Variants in MYO6 observed in about 807,000 individuals in gnomAD.
MYO6 encodes the protein myosin VI, also known as unconventional myosin-VI.
In MYO6, 74 loss-of-function variants were observed where a neutral mutation model predicts 178.7. The ratio of observed to expected loss-of-function variants is 0.41; its 90% CI spans 0.34 to 0.50. The LOEUF (loss-of-function observed/expected upper bound fraction) is 0.50. Ranked by LOEUF, MYO6 falls within the 20% of genes least tolerant of loss-of-function variation. The pLI, the probability that MYO6 is intolerant of heterozygous loss-of-function variation, is 0.09. For synonymous variants in MYO6, 477 were observed against 504.6 expected (o/e 0.95, Z 0.73); for missense variants, 1,330 against 1,547.4 (o/e 0.86, Z 2.36).
chr6:75,863,396 A>AT (rs962237886), intron 16 of MYO6, among the ~76,000 whole-genome samples: 2 of 152,128 alleles, frequency 1.3e-5, no homozygotes, highest in African/African-American at 4.8e-5. Flanking sequence ...CAATAGAGAG[A>AT]TTAGGTAGAG....
intron 16 of MYO6, among the ~76,000 whole-genome samples, chr6:75,864,534 G>A (rs767331998): frequency 1.3e-5 from 2 of 152,064 alleles, no homozygotes; most frequent in African/African-American, 2.4e-5. Context: ...TTAATAGCTC[G>A]CTGGTCTTTG....
intron 30 of MYO6, among the ~76,000 whole-genome samples, chr6:75,902,994 A>T (rs1050944937): frequency 2.6e-5 from 4 of 151,854 alleles, no homozygotes; most frequent in African/African-American, 9.7e-5. Flanking sequence ...CCCAGTAGTC[A>T]TTCAGGAGCA....
At chr6:75,851,321 G>T (rs897871456) in intron 11 of MYO6, among the ~76,000 whole-genome samples, 8 of 152,274 alleles carry the variant, frequency 5.3e-5, no homozygotes, top group Middle Eastern at 3.4e-3. Flanking sequence ...GGGAAGATTG[G>T]AAAGAGACAG....
Position 75,914,195 on chromosome 6 carries a change from G to T in MYO6, c.3572G>T (p.Gly1191Val). ...QYKDPQSKKK[G>V]WWYAHFDGPW... ...AAAGACCCTCAGAGTAAGAAAAAAGGCTGGTGGTATGCCCATTTTGATGGA... is the reference window on the plus strand; with the variant it reads ...AAAGACCCTCAGAGTAAGAAAAAAGTCTGGTGGTATGCCCATTTTGATGGA... Residue 1191 changes from glycine to valine, a missense_variant, in exon 34 of 35, where the codon GGC becomes GTC. Coordinates refer to ENST00000369977, the MANE Select transcript of MYO6 (RefSeq NM_004999.4). 6.2e-7 allele frequency: 1 copy of T among 1,614,180 alleles called. No homozygotes were observed. The highest frequency in any genetic ancestry group is 8.5e-7 in the Non-Finnish European group (1 of 1,180,018).
intron 1 of MYO6, among the ~76,000 whole-genome samples, chr6:75,774,301 A>AT (rs1161860401): frequency 2.6e-5 from 4 of 152,192 alleles, no homozygotes; most frequent in African/African-American, 9.6e-5. Context: ...GATAGTTAAC[A>AT]TTTTTGTACC....
chr6:75,886,343 GAAGT>G (rs779148113), intron 24 of MYO6, among the ~76,000 whole-genome samples: 10 of 152,264 alleles, frequency 6.6e-5, no homozygotes, highest in Admixed American at 3.9e-4. Flanking sequence ...TATAAAACAA[GAAGT>G]AAGTAGTTGA....
chr6:75,817,434 A>G, intron 1 of MYO6, 67 bp from the exon 2 acceptor site: 1 of 882,440 alleles, frequency 1.1e-6, no homozygotes, highest in African/African-American at 1.7e-5. Context: ...TTTGAAAAAG[A>G]TACATTATTT....
intron 7 of MYO6, among the ~76,000 whole-genome samples, chr6:75,838,862 A>G (rs1773920413): frequency 6.6e-6 from 1 of 151,730 alleles, no homozygotes; most frequent in African/African-American, 2.4e-5. Flanking sequence ...GGGTTTCACC[A>G]TGTTGGTCAG....
intron 14 of MYO6, among the ~76,000 whole-genome samples, chr6:75,859,770 C>T (rs1241796961): frequency 6.6e-6 from 1 of 151,936 alleles, no homozygotes; most frequent in African/African-American, 2.4e-5. Context: ...AGCGATTCTC[C>T]TGCCTCAGCC....
chr6:75,851,200 T>C (rs1406750629), intron 11 of MYO6, among the ~76,000 whole-genome samples: 1 of 152,230 alleles, frequency 6.6e-6, no homozygotes, highest in African/African-American at 2.4e-5. Flanking sequence ...AAGTGTTGCA[T>C]GATCAAGTTA....
At chr6:75,881,912 C>T (rs1778061600) in intron 23 of MYO6, 94 bp downstream of exon 23, 1 of 1,460,220 alleles carries the variant, frequency 6.8e-7, no homozygotes, top group African/African-American at 1.4e-5. Context: ...TGCTGAGCAA[C>T]AGAGACTGAG....
Position 75,818,290 on chromosome 6 carries a change from G to C in MYO6, c.117+626G>C, listed in dbSNP as rs1198211281. 2.6e-5 allele frequency among the ~76,000 whole-genome samples: 4 copies of C among 152,156 alleles called. No homozygotes were observed. The East Asian group carries it at 7.7e-4, about 29-fold the overall frequency. On this transcript the variant is annotated intron_variant, in intron 2 of 34. Coordinates refer to ENST00000369977, the MANE Select transcript of MYO6 (RefSeq NM_004999.4). ...GAGTTGTGACTCGTTTACAGAGAAGGCATCATTGTAAATACCTGTTTCAGT... is the reference window on the plus strand; with the variant it reads ...GAGTTGTGACTCGTTTACAGAGAAGCCATCATTGTAAATACCTGTTTCAGT...
chr6:75,846,107 T>C (rs923214618), intron 10 of MYO6, among the ~76,000 whole-genome samples: 1 of 151,876 alleles, frequency 6.6e-6, no homozygotes, highest in Non-Finnish European at 1.5e-5. Context: ...TAATTAGATA[T>C]AATTATACCA....
chr6:75,907,783 T>C (rs984911653), intron 31 of MYO6, 75 bp downstream of exon 31: 7 of 1,046,646 alleles, frequency 6.7e-6, no homozygotes, highest in Non-Finnish European at 1.0e-5. Context: ...TAGGGTGAGG[T>C]GTGTGTGTGT....
At chr6:75,770,393 G>A (rs1240126671) in intron 1 of MYO6, among the ~76,000 whole-genome samples, 1 of 152,210 alleles carries the variant, frequency 6.6e-6, no homozygotes, top group Non-Finnish European at 1.5e-5. Flanking sequence ...AAAACAGCCA[G>A]AAGTAATGTT....
At chr6:75,863,966 C>T (rs181733634) in intron 16 of MYO6, among the ~76,000 whole-genome samples, 73 of 152,210 alleles carry the variant, frequency 4.8e-4, no homozygotes, top group African/African-American at 1.7e-3. Context: ...CATCCTTGTA[C>T]CCAGAAAGAG....
chr6:75,814,478 C>G (rs143285134), intron 1 of MYO6, among the ~76,000 whole-genome samples: 3 of 152,194 alleles, frequency 2.0e-5, no homozygotes, highest in East Asian at 1.9e-4. Flanking sequence ...ATTGCTGGAG[C>G]CTTCTATTAA....
At chr6:75,870,599 T>C (rs1412654277) in intron 18 of MYO6, 48 bp from the exon 19 acceptor site, 1 of 1,450,480 alleles carries the variant, frequency 6.9e-7, no homozygotes, top group Admixed American at 1.7e-5. Flanking sequence ...CATGACACTG[T>C]GTACTTTGGC....
At chr6:75,773,630 A>G (rs1453168843) in intron 1 of MYO6, among the ~76,000 whole-genome samples, 1 of 152,210 alleles carries the variant, frequency 6.6e-6, no homozygotes. Flanking sequence ...CACCATCATC[A>G]AGCTTATGTT....
Sources: allele counts gnomAD v4.1 joint callset (sites outside exome capture counted in the v4.1 genomes callset), GRCh38; gene constraint gnomAD v4.1.1; transcripts MANE v1.5; gene names NCBI Gene and HGNC (gene_info 2026-07-23, HGNC 2026-07-21).